GRID2: variants seen among roughly 807,000 people sequenced by gnomAD.
GRID2 encodes glutamate receptor ionotropic, delta-2.
GRID2 carries 33 observed loss-of-function variants against 114.8 expected under a neutral mutation model. The observed-to-expected ratio is 0.29, with a 90% CI of 0.22 to 0.38. The LOEUF (loss-of-function observed/expected upper bound fraction) is 0.38. Among genes scored for constraint, GRID2 ranks in the 10% least tolerant of loss-of-function variants. The pLI, the probability that GRID2 is intolerant of heterozygous loss-of-function variation, is 1.00. For synonymous variants in GRID2, 505 were observed against 449.9 expected (o/e 1.12, Z -1.55); for missense variants, 1,184 against 1,257.7 (o/e 0.94, Z 0.89).
chr4:93,101,663 G>T (rs1057143986), intron 3 of GRID2, among the ~76,000 whole-genome samples: 3 of 151,968 alleles, frequency 2.0e-5, no homozygotes, highest in African/African-American at 7.3e-5. Context: ...TTAGTAGAGA[G>T]ATTAAAATTA....
intron 2 of GRID2, among the ~76,000 whole-genome samples, chr4:92,794,618 CAAAGT>C (rs1739761487): frequency 1.3e-5 from 2 of 151,296 alleles, no homozygotes; most frequent in Admixed American, 6.6e-5. Flanking sequence ...ATTTTATCCT[CAAAGT>C]AAACAGACGT....
chr4:92,768,913 C>T (rs1005816847), intron 2 of GRID2, among the ~76,000 whole-genome samples: 27 of 152,094 alleles, frequency 1.8e-4, no homozygotes, highest in African/African-American at 6.3e-4. Context: ...ACATACAAAC[C>T]ATATTATTCT....
chr4:93,268,496 A>G (rs1366806260), intron 8 of GRID2, among the ~76,000 whole-genome samples: 2 of 152,186 alleles, frequency 1.3e-5, no homozygotes, highest in Non-Finnish European at 2.9e-5. Context: ...AACAAAAACT[A>G]TAGGGTAAGG....
chr4:93,145,040 C>T (rs1331692170), intron 4 of GRID2, among the ~76,000 whole-genome samples: 2 of 152,154 alleles, frequency 1.3e-5, no homozygotes. Context: ...ATGGACATTA[C>T]AATAGCCGTT....
chr4:92,503,186 A>C (rs1723778099), intron 1 of GRID2, among the ~76,000 whole-genome samples: 1 of 152,102 alleles, frequency 6.6e-6, no homozygotes, highest in Admixed American at 6.6e-5. Flanking sequence ...CAATAAAAAG[A>C]TAGTATCTTC....
intron 1 of GRID2, among the ~76,000 whole-genome samples, chr4:92,452,475 C>T (rs962528705): frequency 5.9e-5 from 9 of 151,798 alleles, no homozygotes; most frequent in Non-Finnish European, 1.0e-4. Context: ...GCCACTGCAC[C>T]CTGCTGATTT....
At chr4:92,318,665 A>G (rs36123040) in intron 1 of GRID2, among the ~76,000 whole-genome samples, 27,867 of 151,002 alleles carry the variant, frequency 0.18, 3,775 homozygotes, top group African/African-American at 0.39. Flanking sequence ...TTGCAGAGGG[A>G]ATTTTCTCAT....
At chr4:93,026,522 G>T (rs1723898324) in intron 2 of GRID2, among the ~76,000 whole-genome samples, 1 of 151,778 alleles carries the variant, frequency 6.6e-6, no homozygotes. Context: ...ATACTTTAAT[G>T]CTTGAAAATC....
intron 12 of GRID2, among the ~76,000 whole-genome samples, chr4:93,508,701 G>A (rs1440250048): frequency 6.6e-6 from 1 of 152,156 alleles, no homozygotes; most frequent in Non-Finnish European, 1.5e-5. Context: ...CAGACCCTGG[G>A]CTAGATCTGG....
chr4:92,400,208 C>A (rs188939851), intron 1 of GRID2, among the ~76,000 whole-genome samples: 5 of 152,042 alleles, frequency 3.3e-5, no homozygotes, highest in Non-Finnish European at 7.4e-5. Flanking sequence ...AATGGTAAAA[C>A]GTTTGTATCA....
At chr4:92,961,700 G>A (rs886880127) in intron 2 of GRID2, among the ~76,000 whole-genome samples, 2 of 150,998 alleles carry the variant, frequency 1.3e-5, no homozygotes, top group Admixed American at 6.6e-5. Context: ...TGAATCTTTG[G>A]TTTGGTGTCA....
intron 8 of GRID2, among the ~76,000 whole-genome samples, chr4:93,326,894 T>C (rs1397362619): frequency 2.6e-5 from 4 of 152,332 alleles, no homozygotes; most frequent in East Asian, 3.9e-4. Context: ...AAATACTGGA[T>C]CTGGTAGTTT....
At chr4:93,033,100 CACA>C (rs1241889663) in intron 2 of GRID2, among the ~76,000 whole-genome samples, 1 of 152,146 alleles carries the variant, frequency 6.6e-6, no homozygotes, top group African/African-American at 2.4e-5. Flanking sequence ...CAATATCACA[CACA>C]ACGATAGACC....
chr4:92,554,257 A>G (rs995761348), intron 1 of GRID2, among the ~76,000 whole-genome samples: 7 of 152,180 alleles, frequency 4.6e-5, no homozygotes, highest in Non-Finnish European at 8.8e-5. Flanking sequence ...GCGGCAGTAA[A>G]CCTATAGTGA....
chr4:93,246,390 A>T (rs1017293265), intron 8 of GRID2, among the ~76,000 whole-genome samples: 4 of 152,090 alleles, frequency 2.6e-5, no homozygotes, highest in Admixed American at 2.6e-4. Flanking sequence ...GATCGAGATC[A>T]TCCTGGCTAA....
chr4:93,710,631 G>T lies in GRID2; in HGVS notation c.2361-58579G>T, dbSNP rs149436034. 3.4e-3 allele frequency among the ~76,000 whole-genome samples: 519 copies of T among 152,140 alleles called. 5 individuals carry two copies. The highest frequency in any genetic ancestry group is 5.1e-3 in the Non-Finnish European group (347 of 68,010). On this transcript the variant is annotated intron_variant, in intron 14 of 15. Transcript: ENST00000282020. ...CCAAGGGCTCTTTGGTCAACAGGTG[G>T]TAAGTACAGCCAGGCTTGTATCTTT...
chr4:93,717,484 A>G (rs1370006561), intron 14 of GRID2, among the ~76,000 whole-genome samples: 4 of 151,894 alleles, frequency 2.6e-5, no homozygotes, highest in Non-Finnish European at 4.4e-5. Context: ...CCCTTGTTGT[A>G]TTACTGGAGC....
chr4:92,924,478 C>G (rs186450996), intron 2 of GRID2, among the ~76,000 whole-genome samples: 2 of 151,972 alleles, frequency 1.3e-5, no homozygotes, highest in African/African-American at 4.8e-5. Flanking sequence ...GAAATCGTCA[C>G]CATTTCTGAA....
At chr4:92,429,067 T>C (rs1732307119) in intron 1 of GRID2, among the ~76,000 whole-genome samples, 1 of 152,142 alleles carries the variant, frequency 6.6e-6, no homozygotes, top group Non-Finnish European at 1.5e-5. Flanking sequence ...CCTGTGTCCA[T>C]GTTCTCATTG....
Sources: gnomAD v4.1 joint callset for allele counts (sites outside exome capture counted in the v4.1 genomes callset) on GRCh38, gnomAD v4.1.1 for gene constraint, MANE v1.5 for transcripts, NCBI Gene and HGNC (gene_info 2026-07-23, HGNC 2026-07-21) for gene names.